Variants in GTF2F2 observed in about 807,000 individuals in gnomAD.
GTF2F2 encodes the protein ATP-dependent helicase GTF2F2.
In GTF2F2, 23 loss-of-function variants were observed where a neutral mutation model predicts 42.2. The ratio of observed to expected loss-of-function variants is 0.55; its 90% CI spans 0.39 to 0.77. GTF2F2 has a LOEUF of 0.77. Among genes scored for constraint, GTF2F2 ranks in the 30% least tolerant of loss-of-function variants. The probability of loss-of-function intolerance (pLI) is 0.00; values close to 1 mark genes in which losing one functional copy is unlikely to be tolerated. For missense variants in GTF2F2, 261 were observed against 287.2 expected (o/e 0.91, Z 0.66); for synonymous variants, 105 against 100.8 (o/e 1.04, Z -0.25).
At chr13:45,236,165 T>A (rs2875565) in intron 5 of GTF2F2, among the ~76,000 whole-genome samples, 49,516 of 151,928 alleles carry the variant, frequency 0.33, 10,282 homozygotes, top group African/African-American at 0.59. Context: ...ATCACACTGG[T>A]CTGGCCCACT....
chr13:45,238,548 C>T (rs756918830), intron 5 of GTF2F2, among the ~76,000 whole-genome samples: 33 of 152,274 alleles, frequency 2.2e-4, no homozygotes, highest in Non-Finnish European at 3.2e-4. Context: ...TGTTCCTCTT[C>T]CCTGTCACAC....
intron 7 of GTF2F2, among the ~76,000 whole-genome samples, chr13:45,279,831 G>A (rs1877187564): frequency 6.6e-6 from 1 of 152,134 alleles, no homozygotes; most frequent in African/African-American, 2.4e-5. Context: ...CTTGAACCCA[G>A]TAGGCAAAAG....
At chr13:45,234,064 G>T (rs1325320396) in intron 5 of GTF2F2, among the ~76,000 whole-genome samples, 1 of 152,172 alleles carries the variant, frequency 6.6e-6, no homozygotes, top group Non-Finnish European at 1.5e-5. Flanking sequence ...AAGCAACGCA[G>T]ATCATCATAT....
chr13:45,224,864 A>G (rs996912772), intron 5 of GTF2F2, among the ~76,000 whole-genome samples: 4 of 152,218 alleles, frequency 2.6e-5, no homozygotes, highest in Non-Finnish European at 5.9e-5. Flanking sequence ...TCTGCAGTCA[A>G]TCTCAATGTA....
chr13:45,245,785 C>CA (rs1464510993), intron 5 of GTF2F2, among the ~76,000 whole-genome samples: 2 of 144,422 alleles, frequency 1.4e-5, no homozygotes, highest in Admixed American at 7.1e-5. Flanking sequence ...ACTAAAAATA[C>CA]AAAAAATTAG....
chr13:45,131,193 A>G (rs1483746147), intron 1 of GTF2F2, among the ~76,000 whole-genome samples: 1 of 151,504 alleles, frequency 6.6e-6, no homozygotes, highest in Non-Finnish European at 1.5e-5. Flanking sequence ...GGGCAACAAG[A>G]GTGAAACTCA....
intron 5 of GTF2F2, among the ~76,000 whole-genome samples, chr13:45,226,144 G>A (rs955050624): frequency 6.6e-6 from 1 of 152,030 alleles, no homozygotes; most frequent in African/African-American, 2.4e-5. Context: ...AGAAGGTCTG[G>A]GTGGGTAGGG....
intron 5 of GTF2F2, among the ~76,000 whole-genome samples, chr13:45,245,437 G>A (rs948521398): frequency 1.3e-5 from 2 of 151,524 alleles, no homozygotes; most frequent in Non-Finnish European, 2.9e-5. Context: ...TAGTCTTTAC[G>A]CCTCATCCTC....
intron 4 of GTF2F2, among the ~76,000 whole-genome samples, chr13:45,203,179 C>A (rs1157837862): frequency 4.0e-5 from 6 of 151,830 alleles, no homozygotes; most frequent in African/African-American, 1.4e-4. Flanking sequence ...AGAGTTCAAA[C>A]AATTCTCATG....
chr13:45,218,750 C>T (rs184287910), intron 5 of GTF2F2, among the ~76,000 whole-genome samples: 2 of 152,092 alleles, frequency 1.3e-5, no homozygotes, highest in South Asian at 2.1e-4. Context: ...GATGGGGTGC[C>T]GAATGGTCTG....
chr13:45,256,802 AT>A (rs1284237173), intron 6 of GTF2F2, among the ~76,000 whole-genome samples: 11 of 152,178 alleles, frequency 7.2e-5, no homozygotes, highest in African/African-American at 2.7e-4. Context: ...TTAATAAAAA[AT>A]TTTAACTCGA....
chr13:45,161,380 G>A (rs776160695), intron 4 of GTF2F2, among the ~76,000 whole-genome samples: 4 of 152,180 alleles, frequency 2.6e-5, no homozygotes, highest in Non-Finnish European at 5.9e-5. Context: ...TTAGTGTGTG[G>A]TAGTGTGAAA....
chr13:45,186,367 C>T (rs992982692), intron 4 of GTF2F2, among the ~76,000 whole-genome samples: 2 of 151,218 alleles, frequency 1.3e-5, no homozygotes, highest in Non-Finnish European at 2.9e-5. Context: ...TCTCTGCTCA[C>T]TTCAACCTCC....
At chr13:45,168,070 G>A (rs7339304) in intron 4 of GTF2F2, among the ~76,000 whole-genome samples, 2,585 of 152,268 alleles carry the variant, frequency 0.017, 83 homozygotes, top group African/African-American at 0.055. Context: ...CTTTTCTTGA[G>A]AGAAAGATCT....
At chr13:45,175,160 T>C (rs1253456771) in intron 4 of GTF2F2, among the ~76,000 whole-genome samples, 1 of 152,188 alleles carries the variant, frequency 6.6e-6, no homozygotes, top group Non-Finnish European at 1.5e-5. Flanking sequence ...AAATCAACTG[T>C]TTTAGCTTTC....
rs11393681 is a variant in GTF2F2, at chr13:45,272,424, T to TAA, written c.630+5063_630+5064dup. ...TTTATATGGTTTTGTTTTGGCTCTT[T>TAA]AAAAAAAAAAAAAAAACAAAAAAAA... On this transcript the variant is annotated intron_variant, in intron 7 of 7. Transcript: ENST00000340473. 6.2e-3 allele frequency among the ~76,000 whole-genome samples: 617 copies of TAA among 99,488 alleles called. 9 individuals are homozygous for TAA. Among genetic ancestry groups the TAA allele is most frequent in the South Asian group, 0.033 (96 of 2,868 alleles). The allele number at this position is 99,488 out of a possible 152,430, so 65.3% of individuals were successfully genotyped here.
chr13:45,156,534 A>G (rs1310881200), intron 4 of GTF2F2, among the ~76,000 whole-genome samples: 6 of 152,236 alleles, frequency 3.9e-5, no homozygotes, highest in Non-Finnish European at 7.3e-5. Context: ...AGATGAAAAA[A>G]GTTTTAATTG....
At chr13:45,262,134 T>C (rs1460421521) in intron 6 of GTF2F2, among the ~76,000 whole-genome samples, 1 of 152,290 alleles carries the variant, frequency 6.6e-6, no homozygotes, top group South Asian at 2.1e-4. Flanking sequence ...CACTTTAGGA[T>C]GTCAAGGTTA....
intron 4 of GTF2F2, among the ~76,000 whole-genome samples, chr13:45,170,336 C>G (rs967873270): frequency 2.0e-5 from 3 of 152,316 alleles, no homozygotes; most frequent in East Asian, 3.9e-4. Context: ...TTGTAACACG[C>G]ATAGTCTGGT....
Sources: gnomAD v4.1 joint callset for allele counts (sites outside exome capture counted in the v4.1 genomes callset) on GRCh38, gnomAD v4.1.1 for gene constraint, MANE v1.5 for transcripts, NCBI Gene and HGNC (gene_info 2026-07-23, HGNC 2026-07-21) for gene names.